The following BICD1 variants were observed in gnomAD, a reference collection of about 807,000 sequenced individuals.
BICD1 encodes protein bicaudal D homolog 1.
A neutral mutation model predicts 92.5 loss-of-function variants in BICD1; 35 were observed. That is an observed-to-expected ratio of 0.38 (90% CI 0.29 to 0.50). The LOEUF is 0.50. Ranked by LOEUF, BICD1 falls within the 20% of genes least tolerant of loss-of-function variation. The pLI is 0.93. For missense variants in BICD1, 950 were observed against 1,189.8 expected (o/e 0.80, Z 2.97); for synonymous variants, 429 against 465.1 (o/e 0.92, Z 1.00).
chr12:32,292,062 G>A (rs1263941164), intron 2 of BICD1, among the ~76,000 whole-genome samples: 1 of 152,150 alleles, frequency 6.6e-6, no homozygotes, highest in African/African-American at 2.4e-5. Flanking sequence ...TAGGGCTGCC[G>A]TAACAAAGTC....
intron 1 of BICD1, among the ~76,000 whole-genome samples, chr12:32,130,208 A>ATTT (rs35138376): frequency 6.8e-6 from 1 of 147,332 alleles, no homozygotes. Flanking sequence ...CAGTGACAAA[A>ATTT]TTTTTTTTTT....
intron 1 of BICD1, among the ~76,000 whole-genome samples, chr12:32,115,683 A>G (rs1159279727): frequency 6.6e-6 from 1 of 152,190 alleles, no homozygotes; most frequent in Non-Finnish European, 1.5e-5. Flanking sequence ...AAAGAAACTG[A>G]TGGAATTTGG....
At chr12:32,238,944 C>CAAAAAA (rs111403291) in intron 2 of BICD1, among the ~76,000 whole-genome samples, 12 of 70,568 alleles carry the variant, frequency 1.7e-4, no homozygotes, top group East Asian at 4.2e-4. Flanking sequence ...AACTCTGTCT[C>CAAAAAA]AAAAAAAAAA....
intron 1 of BICD1, among the ~76,000 whole-genome samples, chr12:32,189,988 C>T (rs1304666051): frequency 3.3e-5 from 5 of 152,094 alleles, no homozygotes; most frequent in Non-Finnish European, 5.9e-5. Flanking sequence ...CGTGAGCCAC[C>T]GCACCTGGCA....
At chr12:32,282,021 A>G (rs753385672) in intron 2 of BICD1, among the ~76,000 whole-genome samples, 18 of 152,162 alleles carry the variant, frequency 1.2e-4, no homozygotes, top group Non-Finnish European at 2.6e-4. Context: ...CACTAAAATC[A>G]GATTATGTGA....
chr12:32,171,938 AATACACACACAC>A (rs1943952287), intron 1 of BICD1, among the ~76,000 whole-genome samples: 1 of 110,080 alleles, frequency 9.1e-6, no homozygotes, highest in Admixed American at 1.1e-4. Context: ...GGTCTCAAAA[AATACACACACAC>A]ACACACACAC....
chr12:32,291,131 G>C (rs1947715656), intron 2 of BICD1, among the ~76,000 whole-genome samples: 1 of 152,166 alleles, frequency 6.6e-6, no homozygotes, highest in South Asian at 2.1e-4. Flanking sequence ...ACAGAACTAG[G>C]AAGAGCTGTA....
intron 4 of BICD1, among the ~76,000 whole-genome samples, chr12:32,324,874 G>A (rs1019527519): frequency 3.3e-5 from 5 of 152,102 alleles, no homozygotes; most frequent in Admixed American, 1.3e-4. Flanking sequence ...CACCACACCC[G>A]GCCATACTGT....
In BICD1 at chr12:32,330,024, G is replaced by A. The variant is rs531078954; in HGVS notation, c.2100+1469G>A. ...GAATAGTAGGTCAAGGGAGCTCTTG[G>A]TCTTTGGAGAATGAGGATTAATTTC... On this transcript the variant is annotated intron_variant, in intron 5 of 9. Transcript: ENST00000652176. 3.3e-5 allele frequency among the ~76,000 whole-genome samples: 5 copies of A among 152,262 alleles called. No individual in the cohort carries two copies. The East Asian group carries it at 9.6e-4, about 29-fold the overall frequency.
At chr12:32,372,231 G>A (rs1229635958) in intron 9 of BICD1, among the ~76,000 whole-genome samples, 2 of 152,216 alleles carry the variant, frequency 1.3e-5, no homozygotes, top group African/African-American at 4.8e-5. Flanking sequence ...TGTAATCCCA[G>A]CACTTTGGGA....
chr12:32,331,135 TA>T (rs200127433), intron 5 of BICD1, among the ~76,000 whole-genome samples: 33,152 of 147,468 alleles, frequency 0.22, 4,113 homozygotes, highest in East Asian at 0.6. Flanking sequence ...AAATCTGTCT[TA>T]AAAAAAAAAA....
At chr12:32,158,691 G>C (rs1943515762) in intron 1 of BICD1, among the ~76,000 whole-genome samples, 1 of 152,098 alleles carries the variant, frequency 6.6e-6, no homozygotes, top group Non-Finnish European at 1.5e-5. Flanking sequence ...TTCTCATGTG[G>C]CTTTCACACT....
intron 2 of BICD1, among the ~76,000 whole-genome samples, chr12:32,229,624 G>T (rs146406900): frequency 2.8e-3 from 425 of 152,278 alleles, no homozygotes; most frequent in African/African-American, 9.3e-3. Flanking sequence ...TCCATAGAGT[G>T]TTGGGAGAAA....
At chr12:32,324,291 G>T (rs1052470172) in intron 4 of BICD1, among the ~76,000 whole-genome samples, 2 of 148,422 alleles carry the variant, frequency 1.3e-5, no homozygotes, top group South Asian at 4.3e-4. Flanking sequence ...GGAGGCGGAG[G>T]TTGCAGTGAG....
intron 1 of BICD1, among the ~76,000 whole-genome samples, chr12:32,114,359 T>C (rs1292660737): frequency 6.6e-6 from 1 of 152,050 alleles, no homozygotes; most frequent in Non-Finnish European, 1.5e-5. Flanking sequence ...GTACATTGCA[T>C]GATGGATTCA....
chr12:32,347,017 T>C (rs1565687866), intron 8 of BICD1, among the ~76,000 whole-genome samples: 2 of 149,472 alleles, frequency 1.3e-5, no homozygotes, highest in Admixed American at 6.7e-5. Flanking sequence ...AATGGCACAA[T>C]ATTGCCTCAC....
intron 1 of BICD1, among the ~76,000 whole-genome samples, chr12:32,173,505 C>G (rs942456376): frequency 6.6e-6 from 1 of 152,154 alleles, no homozygotes; most frequent in African/African-American, 2.4e-5. Context: ...TCTCAGCTAT[C>G]TATGAGAGCT....
intron 8 of BICD1, among the ~76,000 whole-genome samples, chr12:32,351,164 TAA>T (rs71445892): frequency 1.5e-5 from 2 of 137,782 alleles, no homozygotes; most frequent in South Asian, 2.4e-4. Flanking sequence ...AATAATTACT[TAA>T]AAAAAAAAAA....
At chr12:32,305,251 C>T (rs928544881) in intron 3 of BICD1, among the ~76,000 whole-genome samples, 5 of 151,986 alleles carry the variant, frequency 3.3e-5, no homozygotes, top group African/African-American at 1.2e-4. Context: ...GGAAATAAAA[C>T]AAAGTAATGG....
Sources: gnomAD v4.1 joint callset for allele counts (sites outside exome capture counted in the v4.1 genomes callset) on GRCh38, gnomAD v4.1.1 for gene constraint, MANE v1.5 for transcripts, NCBI Gene and HGNC (gene_info 2026-07-23, HGNC 2026-07-21) for gene names.